The following LCOR variants were observed in gnomAD, a reference collection of about 807,000 sequenced individuals.
The protein encoded by LCOR is ligand-dependent corepressor.
LCOR carries 14 observed loss-of-function variants against 64.4 expected under a neutral mutation model. That is an observed-to-expected ratio of 0.22 (90% CI 0.14 to 0.34). The LOEUF is 0.34. Among genes scored for constraint, LCOR ranks in the 10% least tolerant of loss-of-function variants. LCOR has a pLI of 1.00. For missense variants in LCOR, 1,686 were observed against 1,765.3 expected, an observed-to-expected ratio of 0.96 and a Z score of 0.80; for synonymous variants, 643 against 642.5, an observed-to-expected ratio of 1.00 and a Z score of -0.01.
intron 4 of LCOR, among the ~76,000 whole-genome samples, chr10:96,911,574 G>C (rs1846835619): frequency 6.6e-6 from 1 of 152,216 alleles, no homozygotes; most frequent in South Asian, 2.1e-4. Flanking sequence ...ATGGAAAGTG[G>C]AGAGCAAGAA....
chr10:96,892,583 C>T (rs946748871), intron 2 of LCOR, among the ~76,000 whole-genome samples: 11 of 152,132 alleles, frequency 7.2e-5, no homozygotes, highest in South Asian at 2.1e-4. Context: ...GGGCACTAAT[C>T]CCATTTATGA....
chr10:96,857,491 G>A (rs1028668790), intron 2 of LCOR, among the ~76,000 whole-genome samples: 2 of 152,024 alleles, frequency 1.3e-5, no homozygotes, highest in African/African-American at 4.8e-5. Flanking sequence ...ATTCTTGGTC[G>A]ACCCCTGCAG....
In LCOR at chr10:96,949,131, C is replaced by T; in HGVS notation, c.74C>T (p.Pro25Leu). 1.2e-6 allele frequency: 2 copies of T among 1,614,024 alleles called. No homozygotes were observed. Among genetic ancestry groups the T allele is most frequent in the Non-Finnish European group, 8.5e-7 (1 of 1,179,990 alleles). The change falls in exon 6 of 8, where the codon CCC becomes CTC. Residue 25 changes from proline (P) to leucine (L), a missense_variant. Physicochemically the swap from Pro to Leu is moderately conservative, Grantham distance 98. This residue lies in a region of LCOR where 80 missense variants were observed against 107.7 expected (regional missense o/e 0.74). Coordinates refer to ENST00000421806, the MANE Select transcript of LCOR (RefSeq NM_001346516.2). ...KNSSTQDPSQ[P>L]NSTKNQSLPK... ...AGCTCTACTCAGGACCCCAGCCAGC[C>T]CAATAGCACAAAGAACCAAAGCCTG...
rs1350255278 is a variant in LCOR, at chr10:96,984,753, C to T, written c.4293C>T (p.Thr1431=). The T allele has an allele frequency of 6.2e-7, 1 of 1,613,664 alleles. No homozygotes were observed. The highest frequency in any genetic ancestry group is 8.5e-7 in the Non-Finnish European group (1 of 1,179,926). The change falls in exon 8 of 8, where the codon ACC becomes ACT. Residue 1431 remains threonine, a synonymous_variant. Transcript: ENST00000421806. ...KEKHADGATK[T]PAAKRPAARD... is the part of the protein sequence containing the mutation. Reference sequence around the variant, plus strand: ...AGCATGCTGATGGAGCCACCAAAACCCCTGCTGCCAAGAGGCCAGCTGCAA... The same window carrying T: ...AGCATGCTGATGGAGCCACCAAAACTCCTGCTGCCAAGAGGCCAGCTGCAA...
chr10:96,856,390 CCTT>C (rs982876031), intron 2 of LCOR, among the ~76,000 whole-genome samples: 1 of 151,884 alleles, frequency 6.6e-6, no homozygotes, highest in Non-Finnish European at 1.5e-5. Flanking sequence ...TCTTTCCCTC[CCTT>C]CTTTTCTTTC....
At chr10:96,870,275 T>C (rs2030230451) in intron 2 of LCOR, among the ~76,000 whole-genome samples, 2 of 152,242 alleles carry the variant, frequency 1.3e-5, no homozygotes, top group East Asian at 1.9e-4. Flanking sequence ...CCTCCCAAAG[T>C]GCTGGGATTA....
intron 4 of LCOR, among the ~76,000 whole-genome samples, chr10:96,917,728 T>C (rs779138500): frequency 6.6e-6 from 1 of 152,168 alleles, no homozygotes; most frequent in Non-Finnish European, 1.5e-5. Context: ...GTCATGGCTG[T>C]GAAGATGCAT....
At chr10:96,888,351 A>C (rs1846380004) in intron 2 of LCOR, among the ~76,000 whole-genome samples, 1 of 133,818 alleles carries the variant, frequency 7.5e-6, no homozygotes, top group African/African-American at 2.8e-5. Flanking sequence ...GTGACAGAGC[A>C]AGACTCCGTC....
intron 2 of LCOR, among the ~76,000 whole-genome samples, chr10:96,880,432 C>G (rs1291583532): frequency 6.6e-6 from 1 of 152,150 alleles, no homozygotes; most frequent in Non-Finnish European, 1.5e-5. Context: ...GAGTCTCACT[C>G]TGTCATCCAG....
intron 4 of LCOR, among the ~76,000 whole-genome samples, chr10:96,910,338 C>T (rs1012153842): frequency 3.9e-5 from 6 of 152,238 alleles, no homozygotes; most frequent in Non-Finnish European, 7.3e-5. Flanking sequence ...TTTGACAGCT[C>T]AGCTGGTTCT....
intron 2 of LCOR, among the ~76,000 whole-genome samples, chr10:96,871,952 G>A (rs1057475300): frequency 6.6e-6 from 1 of 152,098 alleles, no homozygotes; most frequent in Non-Finnish European, 1.5e-5. Flanking sequence ...ATAGAATCAC[G>A]GTCTTCAGTT....
chr10:96,989,695 A>ATATATATATATATATTTTT lies in LCOR; in HGVS notation c.*4562_*4563insATATATATATATATTTTTT, dbSNP rs1371771053. ...TAAGGATATATATATATATATATAT[A>ATATATATATATATATTTTT]TTTTTTTTTTTTTTTTTTTTTTTTA... On this transcript the variant is annotated 3_prime_UTR_variant, in exon 8 of 8. Coordinates refer to ENST00000421806, the MANE Select transcript of LCOR (RefSeq NM_001346516.2). 1.2e-5 allele frequency: 1 copy of ATATATATATATATATTTTT among 86,160 alleles called. No homozygotes were observed. Among genetic ancestry groups the ATATATATATATATATTTTT allele is most frequent in the African/African-American group, 6.2e-5 (1 of 16,170 alleles). 5.3% of individuals were successfully genotyped at this position (86,160 alleles called of 1,614,324 possible).
chr10:96,977,938 C>G (rs1023353201), intron 7 of LCOR, among the ~76,000 whole-genome samples: 8 of 152,164 alleles, frequency 5.3e-5, no homozygotes, highest in African/African-American at 1.7e-4. Context: ...TGGAGAATTT[C>G]CAAGTGGTAG....
In LCOR at chr10:96,907,315, CT is replaced by C; in HGVS notation, c.-278del. 1.0e-6 allele frequency: 1 copy of C among 978,938 alleles called. No homozygotes were observed. The highest frequency in any genetic ancestry group is 1.2e-6 in the Non-Finnish European group (1 of 823,904). The allele number at this position is 978,938 out of a possible 1,614,324, so 60.6% of individuals were successfully genotyped here. A position where few individuals can be genotyped will look rare whatever the true frequency, so the allele number is the denominator to read the frequency against. ...GTTTGGACCTGCATTATTAAAAGAT[CT>C]CAGTTTATTTAAAGGTATTCAAAAT... On this transcript the variant is annotated 5_prime_UTR_variant, in exon 3 of 8. Coordinates refer to ENST00000421806, the MANE Select transcript of LCOR (RefSeq NM_001346516.2).
At chr10:96,912,759 G>T (rs780084517) in intron 4 of LCOR, among the ~76,000 whole-genome samples, 13 of 150,848 alleles carry the variant, frequency 8.6e-5, no homozygotes, top group Non-Finnish European at 8.8e-5. Context: ...ACTAATTTTA[G>T]CATCCATTGA....
chr10:96,849,432 A>ACTCCTGAC (rs1845689437), intron 2 of LCOR, among the ~76,000 whole-genome samples: 3 of 150,932 alleles, frequency 2.0e-5, no homozygotes, highest in African/African-American at 7.3e-5. Flanking sequence ...CTGGTCTTGA[A>ACTCCTGAC]CTCCTGACCT....
chr10:96,955,899 G>A (rs1252870211), intron 7 of LCOR: 2 of 1,613,178 alleles, frequency 1.2e-6, no homozygotes, highest in Admixed American at 1.7e-5. Flanking sequence ...AGCACAAAGT[G>A]CAAATGAATC....
chr10:96,982,618 C>T lies in LCOR; in HGVS notation c.2158C>T (p.Leu720=). 6.2e-7 allele frequency: 1 copy of T among 1,614,104 alleles called. No homozygotes were observed. The highest frequency in any genetic ancestry group is 8.5e-7 in the Non-Finnish European group (1 of 1,180,032). The change falls in exon 8 of 8, where the codon CTG becomes TTG. Residue 720 remains leucine (L), a synonymous_variant. Coordinates refer to ENST00000421806, the MANE Select transcript of LCOR (RefSeq NM_001346516.2). The part of the protein sequence containing the change: ...SPMGLEPPMS[L]GKAEDNQSIS... ...AATGGGCTTGGAGCCCCCCATGAGT[C>T]TGGGAAAGGCTGAGGACAACCAAAG...
At chr10:96,949,335 T>C in intron 6 of LCOR, 40 bp downstream of exon 6, 1 of 1,575,996 alleles carries the variant, frequency 6.3e-7, no homozygotes, top group Non-Finnish European at 8.7e-7. Flanking sequence ...CTTATCAGAA[T>C]ACTTTACTTT....
Sources: gnomAD v4.1 joint callset for allele counts (sites outside exome capture counted in the v4.1 genomes callset) on GRCh38, gnomAD v4.1.1 for gene constraint, gnomAD v4.1.1 regional missense constraint, MANE v1.5 for transcripts, NCBI Gene and HGNC (gene_info 2026-07-23, HGNC 2026-07-21) for gene names.